Variants in PTPRZ1 observed in about 807,000 individuals in gnomAD.
The protein encoded by PTPRZ1 is protein tyrosine phosphatase receptor type Z1, also known as receptor-type tyrosine-protein phosphatase zeta.
In PTPRZ1, 82 loss-of-function variants were observed where a neutral mutation model predicts 214.1. The ratio of observed to expected loss-of-function variants is 0.38; its 90% confidence interval spans 0.32 to 0.46. The LOEUF is 0.46. Among genes scored for constraint, PTPRZ1 ranks in the 20% least tolerant of loss-of-function variants. The probability of loss-of-function intolerance (pLI) is 1.00; values close to 1 mark genes in which losing one functional copy is unlikely to be tolerated. For synonymous variants in PTPRZ1, 945 were observed against 987.9 expected (o/e 0.96, Z 0.81); for missense variants, 2,603 against 2,748.7 (o/e 0.95, Z 1.19).
At chr7:122,040,681 C>A (rs1386822550) in intron 20 of PTPRZ1, 135 bp from the exon 21 acceptor site, 21 of 583,584 alleles carry the variant, frequency 3.6e-5, no homozygotes, top group Non-Finnish European at 5.3e-5. Context: ...TCATTATGGA[C>A]CCTCAACATC....
intron 2 of PTPRZ1, 131 bp downstream of exon 2, chr7:121,928,352 T>C: frequency 3.5e-6 from 2 of 570,788 alleles, no homozygotes; most frequent in Middle Eastern, 4.9e-4. Flanking sequence ...TTAGATTAAT[T>C]AATAGATATA....
chr7:121,933,856 A>G (rs1461085506), intron 2 of PTPRZ1, among the ~76,000 whole-genome samples: 1 of 152,194 alleles, frequency 6.6e-6, no homozygotes, highest in East Asian at 1.9e-4. Flanking sequence ...TTTAACTTCT[A>G]TAATCTAGAA....
At chr7:122,019,017 T>A (rs1798932126) in intron 12 of PTPRZ1, 107 bp from the exon 13 acceptor site, 6 of 1,108,078 alleles carry the variant, frequency 5.4e-6, no homozygotes, top group Non-Finnish European at 7.5e-6. Context: ...AGAGTCAAAA[T>A]TTTAAAGGTA....
intron 1 of PTPRZ1, among the ~76,000 whole-genome samples, chr7:121,925,709 T>C (rs1010574813): frequency 6.6e-6 from 1 of 152,206 alleles, no homozygotes; most frequent in Non-Finnish European, 1.5e-5. Context: ...TATTTGCTGA[T>C]TGGCTTTATC....
At position 121,897,620 on chromosome 7, in the gene PTPRZ1, T is replaced by A. The variant is rs145016612; in HGVS notation, c.58+24063T>A. 3.8e-3 allele frequency among the ~76,000 whole-genome samples: 580 copies of A among 152,328 alleles called. 3 individuals carry two copies. The highest frequency in any genetic ancestry group is 0.013 in the African/African-American group (550 of 41,562). ...CATATTTCACCAAAATCCCTCCTTC[T>A]GCTAGCTAGAAGATCTTGTTCACTT... On this transcript the variant is annotated intron_variant, in intron 1 of 29. Transcript: ENST00000393386.
chr7:122,041,448 A>T (rs1799731157), intron 21 of PTPRZ1, among the ~76,000 whole-genome samples: 2 of 148,358 alleles, frequency 1.3e-5, no homozygotes, highest in Admixed American at 1.3e-4. Context: ...AGTTGTTTTT[A>T]AACATTTTGG....
intron 21 of PTPRZ1, 71 bp downstream of exon 21, chr7:122,041,050 A>G: frequency 7.7e-7 from 1 of 1,305,548 alleles, no homozygotes; most frequent in Non-Finnish European, 1.0e-6. Context: ...CAATGGAACA[A>G]AGCTTTTGCC....
chr7:122,008,301 C>G (rs1177166139), intron 11 of PTPRZ1, among the ~76,000 whole-genome samples: 1 of 151,964 alleles, frequency 6.6e-6, no homozygotes, highest in East Asian at 1.9e-4. Flanking sequence ...AGAATGATAA[C>G]TAGAAGGTGA....
rs1792269817 is a variant in PTPRZ1 at position 122,053,982 on chromosome 7, A to T, written c.6325A>T (p.Met2109Leu). 1.2e-6 allele frequency: 2 copies of T among 1,613,316 alleles called. No individual in the cohort carries two copies. Among genetic ancestry groups the T allele is most frequent in the Non-Finnish European group, 1.7e-6 (2 of 1,179,426 alleles). Reference protein sequence around the residue: ...LLHTIKDFWRMIWDHNAQLVV... With the variant: ...LLHTIKDFWRLIWDHNAQLVV... ...TCATACCATCAAGGATTTCTGGAGG[A>T]TGATATGGGACCATAATGCCCAACT... is the stretch of plus-strand genomic sequence containing the variant. The change falls in exon 26 of 30, where the codon ATG becomes TTG. Residue 2109 changes from methionine to leucine, a missense_variant. Physicochemically the swap from Met to Leu is conservative, Grantham distance 15. Coordinates refer to ENST00000393386, the MANE Select transcript of PTPRZ1 (RefSeq NM_002851.3).
intron 2 of PTPRZ1, among the ~76,000 whole-genome samples, chr7:121,934,098 A>G (rs1207610669): frequency 6.6e-6 from 1 of 152,170 alleles, no homozygotes; most frequent in Non-Finnish European, 1.5e-5. Context: ...GAGTCTCTAG[A>G]TGTGGATGAA....
At chr7:122,020,210 A>G (rs1798974834) in intron 13 of PTPRZ1, among the ~76,000 whole-genome samples, 3 of 152,176 alleles carry the variant, frequency 2.0e-5, no homozygotes, top group African/African-American at 7.2e-5. Context: ...ATTGTTTCCC[A>G]CATACCTAGT....
chr7:121,963,792 C>G (rs1796953321), intron 2 of PTPRZ1, among the ~76,000 whole-genome samples: 1 of 151,940 alleles, frequency 6.6e-6, no homozygotes, highest in South Asian at 2.1e-4. Flanking sequence ...GTTGCCCCAT[C>G]CCAAGAACAT....
Position 122,010,888 on chromosome 7 carries a change from A to G in PTPRZ1, c.1842A>G (p.Pro614=), listed in dbSNP as rs1199964277. The G allele has an allele frequency of 3.7e-6, 6 of 1,613,948 alleles. No individual in the cohort carries two copies. The highest frequency in any genetic ancestry group is 1.6e-4 in the Middle Eastern group (1 of 6,084). ...GGTATATATTTTCCTCCGAAAACCC[A>G]GAGACAATAACATATGATGTCCTTA... ...SQGYIFSSEN[P]ETITYDVLIP... The change falls in exon 12 of 30, where the codon CCA becomes CCG. Residue 614 remains proline (P), a synonymous_variant. Transcript: ENST00000393386.
chr7:122,013,900 G>A lies in PTPRZ1; in HGVS notation c.4843+11G>A. ...ACGTTTCAGAGGCAGGTTAGTTACG[G>A]ATCAGAAGGACAGATTGAGGTGTGG... On this transcript the variant is annotated intron_variant, in intron 12 of 29. Transcript: ENST00000393386. The A allele has an allele frequency of 1.3e-6, 2 of 1,579,904 alleles. No individual in the cohort carries two copies. The highest frequency in any genetic ancestry group is 1.2e-5 in the South Asian group (1 of 86,024).
intron 2 of PTPRZ1, among the ~76,000 whole-genome samples, chr7:121,962,319 T>A (rs1404522471): frequency 1.3e-5 from 2 of 151,336 alleles, no homozygotes; most frequent in African/African-American, 2.4e-5. Context: ...GTGGTGGCAC[T>A]TGCCTGTAAT....
chr7:122,036,148 C>T (rs75202473), intron 17 of PTPRZ1, among the ~76,000 whole-genome samples: 189 of 152,290 alleles, frequency 1.2e-3, no homozygotes, highest in Non-Finnish European at 2.3e-3. Flanking sequence ...CTTCATCAGC[C>T]TCCTGTTCAT....
At chr7:122,015,206 G>A (rs549498442) in intron 12 of PTPRZ1, among the ~76,000 whole-genome samples, 13 of 152,228 alleles carry the variant, frequency 8.5e-5, no homozygotes, top group African/African-American at 3.1e-4. Flanking sequence ...TTTATTAAAT[G>A]TGAACGTATC....
rs758258326 is a variant in PTPRZ1, at chr7:121,873,315, G to GTCTC, written c.-174_-171dup. The GTCTC allele has an allele frequency of 3.9e-6, 2 of 510,362 alleles. No individual in the cohort carries two copies. Among genetic ancestry groups the GTCTC allele is most frequent in the African/African-American group, 5.4e-5 (2 of 37,254 alleles). 31.6% of individuals were successfully genotyped at this position (510,362 alleles called of 1,614,324 possible). On this transcript the variant is annotated 5_prime_UTR_variant, in exon 1 of 30. Coordinates refer to ENST00000393386, the MANE Select transcript of PTPRZ1 (RefSeq NM_002851.3). The stretch of plus-strand genomic sequence containing the variant: ...ACTGTCTCTCTCTGTCTCTGTCTCT[G>GTCTC]TCTCTCTCTCTCTCACACACACACA...
Position 122,044,466 on chromosome 7 carries a change from T to A in PTPRZ1, c.5982T>A (p.Leu1994=). The change falls in exon 23 of 30, where the codon CTT becomes CTA. Residue 1994 remains leucine (L), a synonymous_variant. Transcript: ENST00000393386. ...ATGATACACTGGTTGAGGCCATACT[T>A]AGTAAAGAAACTGAGGTGCTGGACA... The part of the protein sequence containing the change: ...FIHDTLVEAI[L]SKETEVLDSH... 2 of 1,613,940 alleles carry A rather than the reference T, an allele frequency of 1.2e-6. No individual in the cohort carries two copies. The highest frequency in any genetic ancestry group is 1.7e-6 in the Non-Finnish European group (2 of 1,179,834).
Sources: gnomAD v4.1 joint callset for allele counts (sites outside exome capture counted in the v4.1 genomes callset) on GRCh38, gnomAD v4.1.1 for gene constraint, MANE v1.5 for transcripts, NCBI Gene and HGNC (gene_info 2026-07-23, HGNC 2026-07-21) for gene names.